The following MRPL21 variants were observed in gnomAD, a reference collection of about 807,000 sequenced individuals.
MRPL21 encodes the protein mitochondrial ribosomal protein L21.
In MRPL21, 20 loss-of-function variants were observed where a neutral mutation model predicts 27.3. That is an observed-to-expected ratio of 0.73 (90% CI 0.52 to 1.06). MRPL21 has a LOEUF of 1.06. MRPL21 is among the 50% of genes least tolerant of loss of function. The pLI, the probability that MRPL21 is intolerant of heterozygous loss-of-function variation, is 0.00. For synonymous variants in MRPL21, 98 were observed against 101.5 expected (o/e 0.97, Z 0.21); for missense variants, 249 against 251.4 (o/e 0.99, Z 0.06).
chr11:68,891,536 G>C lies in MRPL21; in HGVS notation c.554-141C>G. The C allele has an allele frequency of 1.2e-5, 10 of 803,980 alleles. No homozygotes were observed. The South Asian group carries it at 1.3e-4, about 10-fold the overall frequency. The allele number at this position is 803,980 out of a possible 1,614,324, so 49.8% of individuals were successfully genotyped here. The stretch of plus-strand genomic sequence containing the variant: ...TGCACATGGCCGTGTTTATCTCCAG[G>C]TGTGCACTGACTGCCTCGCTAGCTT... On this transcript the variant is annotated intron_variant, in intron 6 of 6. Transcript: ENST00000362034.
chr11:68,891,388 C>T lies in MRPL21; in HGVS notation c.561G>A (p.Thr187=), dbSNP rs768440830. The T allele has an allele frequency of 1.4e-5, 22 of 1,613,900 alleles. 1 individual carries two copies. The highest frequency in any genetic ancestry group is 1.6e-4 in the Middle Eastern group (1 of 6,084). Residue 187 remains threonine, a synonymous_variant, in exon 7 of 7, where the codon ACG becomes ACA. Transcript: ENST00000362034. ...RKNFKKKRIV[T]TPQTVLRINS... ...TTATCCGGAGGACAGTCTGCGGGGT[C>T]GTGACGACTGAAAGAAAGGATGTCA...
chr11:68,899,927 T>C (rs1226704003), intron 2 of MRPL21, among the ~76,000 whole-genome samples: 1 of 152,086 alleles, frequency 6.6e-6, no homozygotes, highest in African/African-American at 2.4e-5. Context: ...GAAATGAACA[T>C]TACTTCCATC....
Position 68,893,373 on chromosome 11 carries a change from A to C in MRPL21, c.449+30T>G, listed in dbSNP as rs577153863. The C allele has an allele frequency of 4.3e-6, 7 of 1,614,026 alleles. No homozygotes were observed. The South Asian group carries it at 7.7e-5, about 18-fold the overall frequency. ...TCTGCATGTCCAGCCCTGGAGCCCC[A>C]GACAAAGCCCAGCACTTCACAGCCA... On this transcript the variant is annotated intron_variant, in intron 5 of 6. Transcript: ENST00000362034.
intron 4 of MRPL21, among the ~76,000 whole-genome samples, chr11:68,895,022 T>G (rs1028847967): frequency 6.6e-6 from 1 of 152,048 alleles, no homozygotes; most frequent in South Asian, 2.1e-4. Context: ...CCCAACACTG[T>G]GGGAGGCCGA....
At position 68,901,449 on chromosome 11, in the gene MRPL21, A is replaced by G. The variant is rs150549651; in HGVS notation, c.89-844T>C. ...ATTCAATCTACTGAGAAGACAGGGG[A>G]TCAAAATAAGTGCTTAGGTGTAAAA... On this transcript the variant is annotated intron_variant, in intron 1 of 6. Coordinates refer to ENST00000362034, the MANE Select transcript of MRPL21 (RefSeq NM_181514.2). Among the ~76,000 whole-genome samples, 442 of 152,352 alleles carry G rather than the reference A, an allele frequency of 2.9e-3. 4 individuals are homozygous for G. The highest frequency in any genetic ancestry group is 8.8e-3 in the African/African-American group (366 of 41,592).
At chr11:68,891,435 A>T in intron 6 of MRPL21, 40 bp from the exon 7 acceptor site, 1 of 1,600,902 alleles carries the variant, frequency 6.2e-7, no homozygotes, top group Non-Finnish European at 8.6e-7. Flanking sequence ...ACAGACCCTG[A>T]CTGTTGTCAT....
intron 2 of MRPL21, among the ~76,000 whole-genome samples, chr11:68,899,268 T>C (rs925876614): frequency 2.0e-5 from 3 of 152,220 alleles, no homozygotes; most frequent in Admixed American, 6.5e-5. Context: ...GAACCGTTTT[T>C]AAGCTTTTAT....
intron 3 of MRPL21, 195 bp from the exon 4 acceptor site, chr11:68,896,873 C>T (rs1425707583): frequency 3.0e-5 from 19 of 637,518 alleles, no homozygotes; most frequent in Non-Finnish European, 8.1e-6. Context: ...GGTCAGTCTG[C>T]TGCTTCAGGA....
intron 2 of MRPL21, among the ~76,000 whole-genome samples, chr11:68,899,728 T>C (rs887209628): frequency 1.3e-5 from 2 of 152,100 alleles, no homozygotes. Context: ...CTTCCTATGC[T>C]CAGAATGTTT....
At position 68,902,226 on chromosome 11, in the gene MRPL21, G is replaced by A. The variant is rs528160490; in HGVS notation, c.88+1497C>T. On this transcript the variant is annotated intron_variant, in intron 1 of 6. Coordinates refer to ENST00000362034, the MANE Select transcript of MRPL21 (RefSeq NM_181514.2). ...TGTGTCTTTCTCTCCTAATGCGTGA[G>A]TCTGTACTTGAACATAGCATTGGAG... Among the ~76,000 whole-genome samples the A allele has an allele frequency of 8.5e-5, 13 of 152,328 alleles. No individual in the cohort carries two copies. In the East Asian group the frequency reaches 2.5e-3, roughly 29 times the overall value.
intron 2 of MRPL21, among the ~76,000 whole-genome samples, chr11:68,898,843 G>A (rs977853279): frequency 1.3e-4 from 20 of 151,960 alleles, no homozygotes; most frequent in South Asian, 2.1e-4. Flanking sequence ...GCTAGAGTGC[G>A]GTGGCATGAT....
rs576702721 is a variant in MRPL21 at position 68,899,953 on chromosome 11, G to A, written c.146+595C>T. ...TACTTCCATCTTGCAGAAGCCTGGC[G>A]TCCCAGGCTGTGAGGGGCAGCCGGA... On this transcript the variant is annotated intron_variant, in intron 2 of 6. Coordinates refer to ENST00000362034, the MANE Select transcript of MRPL21 (RefSeq NM_181514.2). Among the ~76,000 whole-genome samples the A allele has an allele frequency of 3.3e-5, 5 of 152,286 alleles. No individual in the cohort carries two copies. In the South Asian group the frequency reaches 6.2e-4, roughly 19 times the overall value.
chr11:68,901,407 C>T (rs879463780), intron 1 of MRPL21, among the ~76,000 whole-genome samples: 5 of 152,276 alleles, frequency 3.3e-5, no homozygotes, highest in East Asian at 3.9e-4. Flanking sequence ...ACCAGGAATA[C>T]ACCAGGAAAC....
At chr11:68,901,469 G>A (rs1857933845) in intron 1 of MRPL21, among the ~76,000 whole-genome samples, 1 of 152,216 alleles carries the variant, frequency 6.6e-6, no homozygotes, top group African/African-American at 2.4e-5. Flanking sequence ...GTGCTTAGGT[G>A]TAAAAAGCAG....
chr11:68,897,993 G>C lies in MRPL21; in HGVS notation c.166C>G (p.Leu56Val), dbSNP rs1241617344. Reference sequence around the variant, plus strand: ...ACTTCTGGCCAAGGTGGTGAACTCAGGGATGTTTTAGGAACATATCTGTAA... The same window carrying C: ...ACTTCTGGCCAAGGTGGTGAACTCACGGATGTTTTAGGAACATATCTGTAA... ...YLPGYVPKTS[L>V]SSPPWPEVVL... is the part of the protein sequence containing the mutation. The change falls in exon 3 of 7, where the codon CTG becomes GTG. Residue 56 changes from leucine to valine, a missense_variant. Transcript: ENST00000362034. 2 of 1,614,034 alleles carry C rather than the reference G, an allele frequency of 1.2e-6. No homozygotes were observed. Among genetic ancestry groups the C allele is most frequent in the East Asian group, 4.5e-5 (2 of 44,896 alleles).
At chr11:68,900,221 G>C (rs1056301115) in intron 2 of MRPL21, among the ~76,000 whole-genome samples, 2 of 152,184 alleles carry the variant, frequency 1.3e-5, no homozygotes, top group Admixed American at 6.5e-5. Flanking sequence ...CATAATAAAA[G>C]AGAGCAAACA....
intron 3 of MRPL21, 160 bp downstream of exon 3, chr11:68,897,767 G>C: frequency 1.6e-6 from 1 of 607,222 alleles, no homozygotes; most frequent in Admixed American, 2.9e-5. Flanking sequence ...AAATTCTGGT[G>C]TTAACTGGTG....
chr11:68,893,344 A>G, intron 5 of MRPL21, 59 bp downstream of exon 5: 10 of 1,610,980 alleles, frequency 6.2e-6, no homozygotes, highest in Non-Finnish European at 8.5e-6. Flanking sequence ...CACTGTGACC[A>G]CTGTCTGCAT....
intron 1 of MRPL21, among the ~76,000 whole-genome samples, chr11:68,901,386 A>G (rs1857930769): frequency 6.6e-6 from 1 of 152,224 alleles, no homozygotes; most frequent in Non-Finnish European, 1.5e-5. Context: ...GTAACCGTAG[A>G]TAACGCATAC....
Sources: gnomAD v4.1 joint callset for allele counts (sites outside exome capture counted in the v4.1 genomes callset) on GRCh38, gnomAD v4.1.1 for gene constraint, MANE v1.5 for transcripts, NCBI Gene and HGNC (gene_info 2026-07-23, HGNC 2026-07-21) for gene names.